Variants in NXN observed in about 807,000 individuals in gnomAD.
The protein encoded by NXN is nucleoredoxin 1.
A neutral mutation model predicts 48.6 loss-of-function variants in NXN; 16 were observed. The ratio of observed to expected loss-of-function variants is 0.33; its 90% confidence interval spans 0.22 to 0.50. NXN has a LOEUF of 0.50. NXN is among the 20% of genes least tolerant of loss of function. NXN has a pLI of 0.98. For synonymous variants in NXN, 281 were observed against 269.6 expected (o/e 1.04, Z -0.41); for missense variants, 492 against 605.5 (o/e 0.81, Z 1.97).
At chr17:862,747 G>A (rs1041413169) in intron 1 of NXN, among the ~76,000 whole-genome samples, 11 of 152,196 alleles carry the variant, frequency 7.2e-5, no homozygotes, top group Non-Finnish European at 1.0e-4. Context: ...TAACAGGACG[G>A]AACTATGATG....
chr17:886,615 A>G (rs111466528), intron 1 of NXN, among the ~76,000 whole-genome samples: 1,961 of 152,146 alleles, frequency 0.013, 39 homozygotes, highest in African/African-American at 0.045. Flanking sequence ...CATCTCTACT[A>G]AAAATACAAA....
At chr17:810,949 G>A (rs997220319) in intron 5 of NXN, among the ~76,000 whole-genome samples, 6 of 152,006 alleles carry the variant, frequency 3.9e-5, no homozygotes, top group South Asian at 2.1e-4. Flanking sequence ...TAAAGGTCTC[G>A]AGGCAGCCCC....
At chr17:837,175 G>A (rs555342190) in intron 1 of NXN, among the ~76,000 whole-genome samples, 9 of 152,004 alleles carry the variant, frequency 5.9e-5, no homozygotes, top group East Asian at 3.9e-4. Flanking sequence ...ACAGCGTCTC[G>A]CTATGTGCCC....
chr17:894,999 T>G (rs1213404267), intron 1 of NXN, among the ~76,000 whole-genome samples: 2 of 1,522 alleles, frequency 1.3e-3, no homozygotes, highest in Non-Finnish European at 2.6e-3. Context: ...CTTTCCTTTT[T>G]TTTTTTTTTT....
At chr17:922,337 G>A (rs2068757600) in intron 1 of NXN, among the ~76,000 whole-genome samples, 1 of 152,000 alleles carries the variant, frequency 6.6e-6, no homozygotes, top group Non-Finnish European at 1.5e-5. Context: ...TACTCTACTC[G>A]GGAGACTGAG....
chr17:921,543 T>C (rs1567863470), intron 1 of NXN, among the ~76,000 whole-genome samples: 2 of 152,260 alleles, frequency 1.3e-5, no homozygotes, highest in African/African-American at 4.8e-5. Flanking sequence ...CTGGGGGTGA[T>C]GGTTTCACCC....
At chr17:809,372 T>C (rs913475671) in intron 5 of NXN, among the ~76,000 whole-genome samples, 11 of 152,140 alleles carry the variant, frequency 7.2e-5, no homozygotes, top group Non-Finnish European at 1.5e-4. Context: ...AGGAGGAGCC[T>C]AGTTGCAAGT....
intron 5 of NXN, among the ~76,000 whole-genome samples, chr17:813,774 C>A (rs1055759063): frequency 1.3e-5 from 2 of 150,820 alleles, no homozygotes; most frequent in African/African-American, 2.4e-5. Context: ...TGAGACCAGC[C>A]TGGTCAAATG....
intron 5 of NXN, among the ~76,000 whole-genome samples, chr17:812,839 TGTAG>T (rs1381091214): frequency 6.8e-6 from 1 of 147,168 alleles, no homozygotes; most frequent in Non-Finnish European, 1.5e-5. Flanking sequence ...CATGTGTGAG[TGTAG>T]GTGTGTGCAT....
At chr17:900,725 C>T (rs866057476) in intron 1 of NXN, among the ~76,000 whole-genome samples, 3 of 152,016 alleles carry the variant, frequency 2.0e-5, no homozygotes, top group Admixed American at 1.3e-4. Context: ...CTAACGTCTA[C>T]AGAGAAGACG....
In NXN at chr17:904,148, C is replaced by T. The variant is rs376873074; in HGVS notation, c.360+75171G>A. Among the ~76,000 whole-genome samples, 5 of 152,350 alleles carry T rather than the reference C, an allele frequency of 3.3e-5. No homozygotes were observed. In the East Asian group the frequency reaches 9.6e-4, roughly 29 times the overall value. On this transcript the variant is annotated intron_variant, in intron 1 of 7. Coordinates refer to ENST00000336868, the MANE Select transcript of NXN (RefSeq NM_022463.5). ...TGAATAAGGCCAAACTCTGTCCGTA[C>T]ATGCCTCACCGCGTCGACTGCCCTA...
chr17:801,480 C>T lies in NXN; in HGVS notation c.1126-349G>A, dbSNP rs1185727508. Among the ~76,000 whole-genome samples, 4 of 121,782 alleles carry T rather than the reference C, an allele frequency of 3.3e-5. No individual in the cohort carries two copies. The Admixed American group carries it at 4.3e-4, about 13-fold the overall frequency. 79.9% of individuals were successfully genotyped at this position (121,782 alleles called of 152,430 possible). On this transcript the variant is annotated intron_variant, in intron 7 of 7. Coordinates refer to ENST00000336868, the MANE Select transcript of NXN (RefSeq NM_022463.5). Reference sequence around the variant, plus strand: ...TTTTTTTTTGAGATGGAGTCTCGCTCTGTCACCCAGGCTGGAGTGCAGTGG... The same window carrying T: ...TTTTTTTTTGAGATGGAGTCTCGCTTTGTCACCCAGGCTGGAGTGCAGTGG...
At chr17:820,412 C>A (rs896808895) in intron 4 of NXN, among the ~76,000 whole-genome samples, 1 of 151,196 alleles carries the variant, frequency 6.6e-6, no homozygotes, top group African/African-American at 2.4e-5. Flanking sequence ...GAGATCGAGA[C>A]CGTCCTGGCT....
chr17:924,682 C>T (rs2068781533), intron 1 of NXN, among the ~76,000 whole-genome samples: 1 of 151,678 alleles, frequency 6.6e-6, no homozygotes, highest in African/African-American at 2.4e-5. Context: ...TTCCATCTTC[C>T]CAAACTGAAA....
chr17:923,184 G>A (rs759353331), intron 1 of NXN, among the ~76,000 whole-genome samples: 1 of 152,014 alleles, frequency 6.6e-6, no homozygotes, highest in Non-Finnish European at 1.5e-5. Flanking sequence ...CTGGAATCCC[G>A]ACACTTTGGG....
At chr17:838,416 G>A (rs1208371921) in intron 1 of NXN, among the ~76,000 whole-genome samples, 1 of 152,174 alleles carries the variant, frequency 6.6e-6, no homozygotes, top group Non-Finnish European at 1.5e-5. Context: ...ACAGGCGTGA[G>A]CCACCGCGCC....
chr17:812,857 TGTAG>T (rs386794264), intron 5 of NXN, among the ~76,000 whole-genome samples: 1 of 135,146 alleles, frequency 7.4e-6, no homozygotes, highest in Non-Finnish European at 1.6e-5. Flanking sequence ...TGTGCATGTG[TGTAG>T]GTGTGTGTGG....
intron 1 of NXN, among the ~76,000 whole-genome samples, chr17:877,096 A>T (rs1226863407): frequency 6.6e-6 from 1 of 151,828 alleles, no homozygotes; most frequent in East Asian, 1.9e-4. Context: ...AAACAAAAAA[A>T]CTAATTCTTA....
intron 1 of NXN, among the ~76,000 whole-genome samples, chr17:889,776 AAG>A (rs1310859343): frequency 2.0e-5 from 3 of 151,432 alleles, no homozygotes; most frequent in Non-Finnish European, 2.9e-5. Flanking sequence ...AAAGAAAGAA[AAG>A]AGAGAGAAAA....
Sources: allele counts gnomAD v4.1 joint callset (sites outside exome capture counted in the v4.1 genomes callset), GRCh38; gene constraint gnomAD v4.1.1; transcripts MANE v1.5; gene names NCBI Gene and HGNC (gene_info 2026-07-23, HGNC 2026-07-21).